Variants in SLC9B1 observed in about 807,000 individuals in gnomAD.
The protein encoded by SLC9B1 is solute carrier family 9 member B1, also known as sodium/hydrogen exchanger 9B1.
SLC9B1 carries 32 observed loss-of-function variants against 51.7 expected under a neutral mutation model. The observed-to-expected ratio is 0.62, with a 90% CI of 0.47 to 0.83. The LOEUF (loss-of-function observed/expected upper bound fraction) is 0.83, where lower values mean the gene tolerates loss of function less well. Among genes scored for constraint, SLC9B1 ranks in the 40% least tolerant of loss-of-function variants. SLC9B1 has a pLI of 0.00. For synonymous variants in SLC9B1, 145 were observed against 212.7 expected, an observed-to-expected ratio of 0.68 and a Z score of 2.77; for missense variants, 406 against 613.2, an observed-to-expected ratio of 0.66 and a Z score of 3.57.
chr4:102,961,546 CTTAT>C (rs1226647974), intron 3 of SLC9B1, among the ~76,000 whole-genome samples: 1 of 152,266 alleles, frequency 6.6e-6, no homozygotes, highest in Non-Finnish European at 1.5e-5. Context: ...CTTTCAGTCA[CTTAT>C]TTGTTTATTT....
intron 1 of SLC9B1, among the ~76,000 whole-genome samples, chr4:102,995,589 G>A (rs1740172829): frequency 6.6e-6 from 1 of 152,184 alleles, no homozygotes; most frequent in Non-Finnish European, 1.5e-5. Flanking sequence ...ATAGCTATAA[G>A]AGAAGCTTTA....
chr4:102,938,356 G>C (rs1736824564), intron 6 of SLC9B1, among the ~76,000 whole-genome samples: 1 of 152,192 alleles, frequency 6.6e-6, no homozygotes, highest in Admixed American at 6.5e-5. Flanking sequence ...CAAAACTGGA[G>C]CATTCAGATT....
chr4:102,930,346 C>T (rs969104353), intron 7 of SLC9B1, among the ~76,000 whole-genome samples: 1 of 152,104 alleles, frequency 6.6e-6, no homozygotes, highest in African/African-American at 2.4e-5. Context: ...AACAATTACA[C>T]TTTTAAGCTT....
chr4:102,985,387 A>G (rs2110513723), intron 3 of SLC9B1, among the ~76,000 whole-genome samples: 1 of 152,026 alleles, frequency 6.6e-6, no homozygotes, highest in Non-Finnish European at 1.5e-5. Flanking sequence ...TTTGTCTTCC[A>G]TTCTTTTCCT....
At chr4:102,982,566 CAG>C (rs1166077207) in intron 3 of SLC9B1, among the ~76,000 whole-genome samples, 3 of 152,000 alleles carry the variant, frequency 2.0e-5, no homozygotes, top group Non-Finnish European at 4.4e-5. Context: ...TTTATTTCAT[CAG>C]AGTTTTATAG....
In SLC9B1 at chr4:102,901,105, CAGG is replaced by C; in HGVS notation, c.*9_*11del. 6.2e-7 allele frequency: 1 copy of C among 1,610,328 alleles called. No individual in the cohort carries two copies. Among genetic ancestry groups the C allele is most frequent in the South Asian group, 1.1e-5 (1 of 90,854 alleles). On this transcript the variant is annotated 3_prime_UTR_variant, in exon 12 of 12. Coordinates refer to ENST00000296422, the MANE Select transcript of SLC9B1 (RefSeq NM_139173.4). ...ATTAAAAGAAGCAGGCAGATGATGA[CAGG>C]TAAACTTTTTAATGATGTTCTAATG... is the stretch of plus-strand genomic sequence containing the variant.
intron 1 of SLC9B1, among the ~76,000 whole-genome samples, chr4:102,999,192 T>C (rs372101653): frequency 2.0e-5 from 3 of 152,374 alleles, no homozygotes; most frequent in South Asian, 2.1e-4. Flanking sequence ...GAGTTCTTTA[T>C]ATACTGTAGG....
intron 3 of SLC9B1, among the ~76,000 whole-genome samples, chr4:102,967,304 C>T (rs975866007): frequency 3.3e-5 from 5 of 152,188 alleles, no homozygotes; most frequent in African/African-American, 7.2e-5. Context: ...TGCCCATTAC[C>T]CAGTTCCAAT....
chr4:102,961,328 T>C (rs534497476), intron 3 of SLC9B1, among the ~76,000 whole-genome samples: 1 of 152,406 alleles, frequency 6.6e-6, no homozygotes, highest in South Asian at 2.1e-4. Context: ...GTATCTTCCT[T>C]TTTCTGAATC....
chr4:102,963,410 C>T (rs930959160), intron 3 of SLC9B1: 1 of 200,400 alleles, frequency 5.0e-6, no homozygotes. Flanking sequence ...ACTACCATTT[C>T]TAAATGACAT....
chr4:102,976,714 G>A (rs1329281958), intron 3 of SLC9B1, among the ~76,000 whole-genome samples: 1 of 152,234 alleles, frequency 6.6e-6, no homozygotes, highest in Non-Finnish European at 1.5e-5. Flanking sequence ...GCAACGTGAA[G>A]TCAAGAGCAC....
chr4:102,908,777 A>G (rs1578336873), intron 9 of SLC9B1, among the ~76,000 whole-genome samples: 3 of 152,312 alleles, frequency 2.0e-5, no homozygotes, highest in Admixed American at 6.5e-5. Flanking sequence ...CACCATAAAC[A>G]AAGTTGAAGA....
At chr4:102,905,381 T>C (rs1233823871) in intron 11 of SLC9B1, 133 bp downstream of exon 11, 5 of 1,003,940 alleles carry the variant, frequency 5.0e-6, no homozygotes, top group South Asian at 1.6e-5. Context: ...TTTTAATGAA[T>C]AGTTATGATC....
At chr4:102,913,531 C>T (rs756253663) in intron 7 of SLC9B1, among the ~76,000 whole-genome samples, 21 of 151,732 alleles carry the variant, frequency 1.4e-4, no homozygotes, top group Non-Finnish European at 1.9e-4. Context: ...TTTTTTCAAA[C>T]GTCCAAATCT....
intron 7 of SLC9B1, among the ~76,000 whole-genome samples, chr4:102,923,892 C>T (rs571485534): frequency 3.2e-4 from 48 of 152,248 alleles, no homozygotes; most frequent in African/African-American, 1.1e-3. Flanking sequence ...AACCACTTCT[C>T]AACGAAATAA....
intron 3 of SLC9B1, among the ~76,000 whole-genome samples, chr4:102,987,001 C>T (rs1209564447): frequency 6.6e-6 from 1 of 152,066 alleles, no homozygotes; most frequent in Non-Finnish European, 1.5e-5. Flanking sequence ...GTGTTTTTTG[C>T]CTTTTAATAC....
In SLC9B1 at chr4:102,989,875, T is replaced by TCTGTGGTTTTTTGTCTGTGGTCTC. The variant is rs769258083; in HGVS notation, c.135_136insGAGACCACAGACAAAAAACCACAG (p.Glu45_Ile46insGluThrThrAspLysLysProGln). 1 of 1,601,978 alleles carries TCTGTGGTTTTTTGTCTGTGGTCTC rather than the reference T, an allele frequency of 6.2e-7. No homozygotes were observed. ...GTCTCCTTTTTTGTCTGTGGTTTTA[T>TCTGTGGTTTTTTGTCTGTGGTCTC]TTCTTCTGTATCTGATAAGACAGTT... is the stretch of plus-strand genomic sequence containing the variant. On this transcript the variant is annotated inframe_insertion, in exon 3 of 12. Coordinates refer to ENST00000296422, the MANE Select transcript of SLC9B1 (RefSeq NM_139173.4).
chr4:102,924,938 T>G (rs1016221141), intron 7 of SLC9B1, among the ~76,000 whole-genome samples: 1 of 147,494 alleles, frequency 6.8e-6, no homozygotes, highest in African/African-American at 2.5e-5. Flanking sequence ...GAAATAGGAA[T>G]GCTTTTACAC....
chr4:103,015,388 G>A (rs1332856949), intron 1 of SLC9B1, among the ~76,000 whole-genome samples: 2 of 151,914 alleles, frequency 1.3e-5, no homozygotes, highest in African/African-American at 4.8e-5. Context: ...CAGTAAAATG[G>A]TAACCCATTG....
Sources: gnomAD v4.1 joint callset for allele counts (sites outside exome capture counted in the v4.1 genomes callset) on GRCh38, gnomAD v4.1.1 for gene constraint, MANE v1.5 for transcripts, NCBI Gene and HGNC (gene_info 2026-07-23, HGNC 2026-07-21) for gene names.